ROPN1B: variants seen among roughly 807,000 people sequenced by gnomAD.
The protein encoded by ROPN1B is ropporin-1B.
A neutral mutation model predicts 23.7 loss-of-function variants in ROPN1B; 13 were observed. The observed-to-expected ratio is 0.55, with a 90% CI of 0.36 to 0.87. The LOEUF (loss-of-function observed/expected upper bound fraction) is 0.87, where lower values mean the gene tolerates loss of function less well. Among genes scored for constraint, ROPN1B ranks in the 40% least tolerant of loss-of-function variants. The pLI, the probability that ROPN1B is intolerant of heterozygous loss-of-function variation, is 0.01. For missense variants in ROPN1B, 183 were observed against 249.2 expected (o/e 0.73, Z 1.79); for synonymous variants, 67 against 100.4 (o/e 0.67, Z 1.99).
chr3:125,983,305 G>C lies in ROPN1B; in HGVS notation c.624G>C (p.Arg208Ser), dbSNP rs750063489. The change falls in exon 7 of 7, where the codon AGG becomes AGC. Residue 208 changes from arginine to serine, a missense_variant. By Grantham distance (110) the Arg-to-Ser change is moderately radical (BLOSUM62 -1). Around this residue, in one of 3 missense-constraint regions of ROPN1B, gnomAD observed 80 missense variants for 98.0 expected, o/e 0.82. Transcript: ENST00000514116. ...TGAATGACTTTACCCAAAACCCCAG[G>C]GTTTGGCTGGAGTAACAGCACAATT... Reference protein sequence around the residue: ...ITVNDFTQNPRVWLE With the variant: ...ITVNDFTQNPSVWLE The C allele has an allele frequency of 1.9e-6, 3 of 1,613,270 alleles. No individual in the cohort carries two copies. Among genetic ancestry groups the C allele is most frequent in the African/African-American group, 1.3e-5 (1 of 74,856 alleles).
chr3:125,970,909 A>G (rs923607871), intron 1 of ROPN1B, among the ~76,000 whole-genome samples: 7 of 151,994 alleles, frequency 4.6e-5, no homozygotes, highest in Admixed American at 6.6e-5. Context: ...CTCCTGGGGG[A>G]CTGTTTCTCT....
intron 6 of ROPN1B, 128 bp downstream of exon 6, chr3:125,982,573 C>A: frequency 2.7e-6 from 2 of 743,366 alleles, no homozygotes; most frequent in South Asian, 2.7e-5. Context: ...AAATATCGAT[C>A]TGAAAGAAAA....
intron 3 of ROPN1B, chr3:125,973,541 A>T (rs1397852229): frequency 6.1e-6 from 1 of 164,916 alleles, no homozygotes; most frequent in East Asian, 1.9e-4. Context: ...TTTCAAACCC[A>T]TTTGATTGTT....
At chr3:125,979,612 A>C (rs536117101) in intron 5 of ROPN1B, among the ~76,000 whole-genome samples, 6 of 152,126 alleles carry the variant, frequency 3.9e-5, no homozygotes, top group Non-Finnish European at 5.9e-5. Context: ...TGTTGTTATA[A>C]ATTACCCAGT....
At chr3:125,979,924 T>A (rs1580349551) in intron 5 of ROPN1B, among the ~76,000 whole-genome samples, 3 of 152,230 alleles carry the variant, frequency 2.0e-5, no homozygotes, top group Non-Finnish European at 2.9e-5. Context: ...TCCTCCCCCC[T>A]TCAGCACTCC....
Position 125,983,447 on chromosome 3 carries a change from A to G in ROPN1B, c.*127A>G, listed in dbSNP as rs1938680519. 2 of 680,970 alleles carry G rather than the reference A, an allele frequency of 2.9e-6. No individual in the cohort carries two copies. Among genetic ancestry groups the G allele is most frequent in the Non-Finnish European group, 2.6e-6 (1 of 383,330 alleles). 42.2% of individuals were successfully genotyped at this position (680,970 alleles called of 1,614,324 possible). On this transcript the variant is annotated 3_prime_UTR_variant, in exon 7 of 7. Transcript: ENST00000514116. ...ACACACTAATAAACAAACATGTGAG[A>G]TCAGAAATGTGCGGAATTAAGATGT... is the stretch of plus-strand genomic sequence containing the variant.
chr3:125,975,583 G>T lies in ROPN1B; in HGVS notation c.137G>T (p.Arg46Leu), dbSNP rs148020640. The change falls in exon 4 of 7, where the codon CGT (arginine) becomes CTT (leucine). Residue 46 changes from arginine (R) to leucine (L), a missense_variant. By Grantham distance (102) the Arg-to-Leu change is moderately radical. This residue lies in a region of ROPN1B where 97 missense variants were observed against 99.6 expected (regional missense o/e 0.97). Transcript: ENST00000514116. ...TGTAGTTATTTTGAGGCCCTGTCCC[G>T]TGGAGAGACGCCTCCGGTGAGAGAG... is the stretch of plus-strand genomic sequence containing the variant. Reference protein sequence around the residue: ...WGADYFEALSRGETPPVRERS... With the variant: ...WGADYFEALSLGETPPVRERS... The T allele has an allele frequency of 6.2e-7, 1 of 1,613,870 alleles. No homozygotes were observed.
chr3:125,982,234 G>C lies in ROPN1B; in HGVS notation c.397-36G>C, dbSNP rs766517792. On this transcript the variant is annotated intron_variant, in intron 5 of 6. Coordinates refer to ENST00000514116, the MANE Select transcript of ROPN1B (RefSeq NM_001308313.2). ...TGGATCTCAGGAATATTGCCTGGAAGAGTAACTTTCTCCTCATTTTATGTA... is the reference window on the plus strand; with the variant it reads ...TGGATCTCAGGAATATTGCCTGGAACAGTAACTTTCTCCTCATTTTATGTA... 6 of 1,521,376 alleles carry C rather than the reference G, an allele frequency of 3.9e-6. No individual in the cohort carries two copies. The South Asian group carries it at 7.6e-5, about 19-fold the overall frequency. 94.2% of individuals were successfully genotyped at this position (1,521,376 alleles called of 1,614,324 possible).
Position 125,982,463 on chromosome 3 carries a change from A to T in ROPN1B, c.572+18A>T. On this transcript the variant is annotated intron_variant, in intron 6 of 6. Transcript: ENST00000514116. ...CAGGAAGTGTAAGTTAACTTTTACC[A>T]ATTGGAGGTGAAAGAATACCAGGAA... 6.3e-7 allele frequency: 1 copy of T among 1,577,302 alleles called. No individual in the cohort carries two copies. Among genetic ancestry groups the T allele is most frequent in the African/African-American group, 1.4e-5 (1 of 72,708 alleles).
Position 125,983,252 on chromosome 3 carries a change from A to G in ROPN1B, c.573-2A>G, listed in dbSNP as rs1200978812. ...ACTGCAGATATACCTTTATCCAAACAGAATTGGTCCTGATGGTTTAATCAC... is the reference window on the plus strand; with the variant it reads ...ACTGCAGATATACCTTTATCCAAACGGAATTGGTCCTGATGGTTTAATCAC... On this transcript the variant is annotated splice_acceptor_variant, in intron 6 of 6. Transcript: ENST00000514116. LOFTEE classifies it high-confidence loss of function. 1 of 1,610,314 alleles carries G rather than the reference A, an allele frequency of 6.2e-7. No homozygotes were observed. Among genetic ancestry groups the G allele is most frequent in the Non-Finnish European group, 8.5e-7 (1 of 1,176,680 alleles).
intron 5 of ROPN1B, among the ~76,000 whole-genome samples, chr3:125,979,244 A>G (rs1361440409): frequency 3.3e-5 from 5 of 151,530 alleles, no homozygotes; most frequent in South Asian, 4.2e-4. Flanking sequence ...GGGGTGCCCT[A>G]TGAATCCAGT....
intron 3 of ROPN1B, among the ~76,000 whole-genome samples, chr3:125,974,811 T>C (rs1938345530): frequency 6.6e-6 from 1 of 152,164 alleles, no homozygotes; most frequent in Non-Finnish European, 1.5e-5. Context: ...ACAGGCACCA[T>C]ATAGCTTAAG....
rs566144570 is a variant in ROPN1B at position 125,970,963 on chromosome 3, C to A, written c.-58-154C>A. Reference sequence around the variant, plus strand: ...TGGAGACAGGTTTCTTTGTTGCTTACCCCAGCCTGTAGGCAGATATTTTCA... The same window carrying A: ...TGGAGACAGGTTTCTTTGTTGCTTAACCCAGCCTGTAGGCAGATATTTTCA... On this transcript the variant is annotated intron_variant, in intron 1 of 6. Coordinates refer to ENST00000514116, the MANE Select transcript of ROPN1B (RefSeq NM_001308313.2). Among the ~76,000 whole-genome samples, 15 of 152,242 alleles carry A rather than the reference C, an allele frequency of 9.9e-5. 1 individual carries two copies. In the South Asian group the frequency reaches 3.1e-3, roughly 32 times the overall value.
intron 5 of ROPN1B, among the ~76,000 whole-genome samples, chr3:125,980,227 C>T (rs1397610707): frequency 6.6e-6 from 1 of 152,182 alleles, no homozygotes; most frequent in East Asian, 1.9e-4. Context: ...TATTTATCCA[C>T]TCATCCATTT....
chr3:125,971,941 A>C, intron 2 of ROPN1B, 102 bp from the exon 3 acceptor site: 2 of 1,103,232 alleles, frequency 1.8e-6, no homozygotes, highest in Non-Finnish European at 2.5e-6. Context: ...CGGAGTCCCC[A>C]AAATTGAGTG....
At chr3:125,980,020 T>G (rs1289719429) in intron 5 of ROPN1B, among the ~76,000 whole-genome samples, 1 of 152,228 alleles carries the variant, frequency 6.6e-6, no homozygotes. Context: ...AAAATAATCA[T>G]GTTCACTGGA....
intron 5 of ROPN1B, among the ~76,000 whole-genome samples, chr3:125,980,846 A>G (rs752590236): frequency 6.6e-6 from 1 of 152,062 alleles, no homozygotes; most frequent in Non-Finnish European, 1.5e-5. Flanking sequence ...GCATTCTCCC[A>G]CTCACAAGCA....
At position 125,970,868 on chromosome 3, in the gene ROPN1B, G is replaced by T. The variant is rs111328909; in HGVS notation, c.-58-249G>T. Among the ~76,000 whole-genome samples, 277 of 152,260 alleles carry T rather than the reference G, an allele frequency of 1.8e-3. 2 individuals carry two copies. The highest frequency in any genetic ancestry group is 6.5e-3 in the African/African-American group (271 of 41,544). On this transcript the variant is annotated intron_variant, in intron 1 of 6. Transcript: ENST00000514116. The stretch of plus-strand genomic sequence containing the variant: ...GAGCCATGCTGGTGTTGGTATAAAT[G>T]GAAAACTTAGAACTAGTCTGTGGCT...
chr3:125,976,864 T>A lies in ROPN1B; in HGVS notation c.235-140T>A. The A allele has an allele frequency of 3.7e-6, 3 of 818,764 alleles. No homozygotes were observed. In the South Asian group the frequency reaches 4.1e-5, roughly 11 times the overall value. The allele number at this position is 818,764 out of a possible 1,614,324, so 50.7% of individuals were successfully genotyped here. On this transcript the variant is annotated intron_variant, in intron 4 of 6. Transcript: ENST00000514116. ...CAAAGGTAACTGCCACACAGAGCCA[T>A]CTTTACCTTCCTAACACCCCCTCCC...
Sources: gnomAD v4.1 joint callset for allele counts (sites outside exome capture counted in the v4.1 genomes callset) on GRCh38, gnomAD v4.1.1 for gene constraint, gnomAD v4.1.1 regional missense constraint, MANE v1.5 for transcripts, NCBI Gene and HGNC (gene_info 2026-07-23, HGNC 2026-07-21) for gene names.